Variants in PDCD6IP observed in about 807,000 individuals in gnomAD.
PDCD6IP encodes programmed cell death 6-interacting protein.
PDCD6IP carries 43 observed loss-of-function variants against 103.7 expected under a neutral mutation model. The observed-to-expected ratio is 0.41, with a 90% CI of 0.32 to 0.53. The LOEUF (loss-of-function observed/expected upper bound fraction) is 0.53, where lower values mean the gene tolerates loss of function less well. Ranked by LOEUF, PDCD6IP falls within the 20% of genes least tolerant of loss-of-function variation. The pLI is 0.16. For synonymous variants in PDCD6IP, 354 were observed against 378.7 expected (o/e 0.93, Z 0.76); for missense variants, 871 against 1,036.7 (o/e 0.84, Z 2.20).
intron 7 of PDCD6IP, among the ~76,000 whole-genome samples, chr3:33,832,701 C>T (rs1697268400): frequency 6.6e-6 from 1 of 152,070 alleles, no homozygotes; most frequent in South Asian, 2.1e-4. Context: ...TTTATTGTTT[C>T]ATTGACTTGT....
At chr3:33,815,599 T>C (rs138162832) in intron 3 of PDCD6IP, among the ~76,000 whole-genome samples, 1 of 152,234 alleles carries the variant, frequency 6.6e-6, no homozygotes, top group Admixed American at 6.5e-5. Context: ...TTAGACAAGC[T>C]AGTGTGTGCA....
chr3:33,816,228 C>T (rs962215153), intron 3 of PDCD6IP, among the ~76,000 whole-genome samples: 10 of 152,154 alleles, frequency 6.6e-5, no homozygotes, highest in East Asian at 3.9e-4. Context: ...TCCGGGTGGC[C>T]GGGTGCGGTG....
intron 2 of PDCD6IP, among the ~76,000 whole-genome samples, chr3:33,812,346 G>A (rs937132578): frequency 7.9e-5 from 12 of 152,178 alleles, no homozygotes; most frequent in Non-Finnish European, 1.3e-4. Flanking sequence ...GCAATGGTTT[G>A]TTTTTCTTTG....
intron 10 of PDCD6IP, among the ~76,000 whole-genome samples, chr3:33,842,934 G>T (rs1697509264): frequency 6.6e-6 from 1 of 152,128 alleles, no homozygotes; most frequent in Non-Finnish European, 1.5e-5. Context: ...ATTGAGATCT[G>T]GGTTTAAGGT....
intron 1 of PDCD6IP, among the ~76,000 whole-genome samples, chr3:33,803,891 T>C (rs933515981): frequency 5.9e-5 from 9 of 152,342 alleles, no homozygotes; most frequent in Non-Finnish European, 1.2e-4. Context: ...TAGGACTGTG[T>C]ATTTTTTTCT....
chr3:33,824,909 T>C (rs1387423750), intron 4 of PDCD6IP, among the ~76,000 whole-genome samples: 1 of 152,242 alleles, frequency 6.6e-6, no homozygotes, highest in African/African-American at 2.4e-5. Context: ...TGAGGAAGTA[T>C]ATCTAAAAAT....
At chr3:33,830,606 A>C (rs1290826719) in intron 7 of PDCD6IP, among the ~76,000 whole-genome samples, 2 of 152,100 alleles carry the variant, frequency 1.3e-5, no homozygotes, top group African/African-American at 4.8e-5. Context: ...GTTGGGTGTG[A>C]TGGCACCTGC....
chr3:33,821,382 G>A (rs1207645899), intron 3 of PDCD6IP, among the ~76,000 whole-genome samples: 3 of 151,736 alleles, frequency 2.0e-5, no homozygotes, highest in Non-Finnish European at 4.4e-5. Context: ...CTTATTTTCT[G>A]TTTGTTTTTT....
intron 12 of PDCD6IP, among the ~76,000 whole-genome samples, chr3:33,847,595 G>C (rs9852773): frequency 0.028 from 4,251 of 152,170 alleles, 65 homozygotes; most frequent in African/African-American, 0.046. Flanking sequence ...TGATGCAAAT[G>C]TACATGTTTT....
At position 33,866,353 on chromosome 3, in the gene PDCD6IP, A is replaced by G; in HGVS notation, c.2435A>G (p.Tyr812Cys). The G allele has an allele frequency of 6.5e-7, 1 of 1,529,958 alleles. No individual in the cohort carries two copies. Among genetic ancestry groups the G allele is most frequent in the South Asian group, 1.3e-5 (1 of 77,830 alleles). The allele number at this position is 1,529,958 out of a possible 1,614,324, so 94.8% of individuals were successfully genotyped here. ...PYPTYPGYPG[Y>C]CQMPMPMGYN... ...ATTTTTCTGTTTTCTTCTATCAGGT[A>G]TTGCCAAATGCCCATGCCCATGGGC... Residue 812 changes from tyrosine (Y) to cysteine (C), a missense_variant and splice_region_variant, in exon 18 of 18, where the codon TAT becomes TGT. Transcript: ENST00000307296.
intron 16 of PDCD6IP, 140 bp downstream of exon 16, chr3:33,864,269 A>G: frequency 1.6e-6 from 1 of 617,696 alleles, no homozygotes; most frequent in Non-Finnish European, 2.9e-6. Context: ...GATATTTTGC[A>G]ATATGTAGAA....
intron 4 of PDCD6IP, among the ~76,000 whole-genome samples, chr3:33,824,804 A>G (rs1474885121): frequency 6.6e-6 from 1 of 152,180 alleles, no homozygotes; most frequent in Non-Finnish European, 1.5e-5. Context: ...ATGTTTAATT[A>G]TTTGAAAGAT....
chr3:33,825,771 A>G (rs548329758), intron 5 of PDCD6IP, among the ~76,000 whole-genome samples: 21 of 152,326 alleles, frequency 1.4e-4, no homozygotes, highest in African/African-American at 4.8e-4. Context: ...AATAATTGCT[A>G]TAAGATTTCA....
In PDCD6IP at chr3:33,806,942, C is replaced by T. The variant is rs139306111; in HGVS notation, c.210-5130C>T. Reference sequence around the variant, plus strand: ...TCATTTTGTTGGGGTTTTCTCCATGCTGATCAGACATTGTTGATTTCCAGT... The same window carrying T: ...TCATTTTGTTGGGGTTTTCTCCATGTTGATCAGACATTGTTGATTTCCAGT... On this transcript the variant is annotated intron_variant, in intron 1 of 17. Transcript: ENST00000307296. Among the ~76,000 whole-genome samples, 276 of 152,322 alleles carry T rather than the reference C, an allele frequency of 1.8e-3. 1 individual carries two copies. The highest frequency in any genetic ancestry group is 6.1e-3 in the African/African-American group (254 of 41,570).
intron 12 of PDCD6IP, among the ~76,000 whole-genome samples, chr3:33,851,876 C>T (rs1697721979): frequency 6.6e-6 from 1 of 152,308 alleles, no homozygotes; most frequent in African/African-American, 2.4e-5. Flanking sequence ...ATTTCTTTCT[C>T]CATCTACCAT....
intron 12 of PDCD6IP, among the ~76,000 whole-genome samples, chr3:33,850,513 GAAC>G (rs1192534274): frequency 6.6e-6 from 1 of 151,504 alleles, no homozygotes; most frequent in East Asian, 1.9e-4. Flanking sequence ...CTTTTTGCAA[GAAC>G]AACAACAAAC....
At chr3:33,808,782 T>G (rs1330308330) in intron 1 of PDCD6IP, among the ~76,000 whole-genome samples, 1 of 152,196 alleles carries the variant, frequency 6.6e-6, no homozygotes, top group Non-Finnish European at 1.5e-5. Flanking sequence ...CTTTTGATGA[T>G]TCACACTCTT....
intron 4 of PDCD6IP, 100 bp from the exon 5 acceptor site, chr3:33,825,087 A>T: frequency 2.0e-6 from 2 of 981,548 alleles, no homozygotes; most frequent in Non-Finnish European, 3.1e-6. Context: ...AAATATATTA[A>T]CTGTTCACTG....
intron 3 of PDCD6IP, among the ~76,000 whole-genome samples, chr3:33,814,088 G>A (rs1438351798): frequency 6.6e-6 from 1 of 151,482 alleles, no homozygotes; most frequent in Non-Finnish European, 1.5e-5. Context: ...TAACCTCTCT[G>A]TGCCTTAATT....
Sources: allele counts gnomAD v4.1 joint callset (sites outside exome capture counted in the v4.1 genomes callset), GRCh38; gene constraint gnomAD v4.1.1; transcripts MANE v1.5; gene names NCBI Gene and HGNC (gene_info 2026-07-23, HGNC 2026-07-21).